Variants in FER1L6 observed in about 807,000 individuals in gnomAD.
FER1L6 encodes fer-1 like family member 6, also known as fer-1-like protein 6.
A neutral mutation model predicts 219.2 loss-of-function variants in FER1L6; 177 were observed. That is an observed-to-expected ratio of 0.81 (90% CI 0.71 to 0.91). The LOEUF is 0.91. Ranked by LOEUF, FER1L6 falls within the 40% of genes least tolerant of loss-of-function variation. The probability of loss-of-function intolerance (pLI) is 0.00; values close to 1 mark genes in which losing one functional copy is unlikely to be tolerated. For synonymous variants in FER1L6, 768 were observed against 824.3 expected (o/e 0.93, Z 1.17); for missense variants, 2,153 against 2,259.9 (o/e 0.95, Z 0.96).
chr8:124,026,754 G>A (rs1818724830), intron 18 of FER1L6, among the ~76,000 whole-genome samples: 1 of 151,182 alleles, frequency 6.6e-6, no homozygotes, highest in Non-Finnish European at 1.5e-5. Context: ...CTATTATTAA[G>A]CATGAGAAGC....
Position 123,953,064 on chromosome 8 carries a change from A to G in FER1L6, c.-7-2928A>G, listed in dbSNP as rs28698556. On this transcript the variant is annotated intron_variant, in intron 1 of 40. Transcript: ENST00000522917. ...ACCCTGTGTCACGGGTTCATTTTCT[A>G]CCTCCCAATCTGCCAGTGGCACCAT... Among the ~76,000 whole-genome samples the G allele has an allele frequency of 2.7e-3, 410 of 152,088 alleles. 2 individuals carry two copies. The highest frequency in any genetic ancestry group is 9.1e-3 in the African/African-American group (378 of 41,470).
intron 36 of FER1L6, 88 bp from the exon 37 acceptor site, chr8:124,097,697 T>G (rs549673673): frequency 3.9e-6 from 3 of 774,470 alleles, no homozygotes; most frequent in African/African-American, 1.7e-5. Context: ...AGGAAACTTA[T>G]AGACCAAAGG....
intron 31 of FER1L6, among the ~76,000 whole-genome samples, chr8:124,072,492 AT>A (rs1374937059): frequency 1.3e-5 from 2 of 152,192 alleles, no homozygotes; most frequent in African/African-American, 4.8e-5. Context: ...GTATTATTTT[AT>A]TATAATGCTC....
intron 38 of FER1L6, among the ~76,000 whole-genome samples, 198 bp downstream of exon 38, chr8:124,101,536 T>A (rs7825506): frequency 0.81 from 122,586 of 152,124 alleles, 49,676 homozygotes; most frequent in Non-Finnish European, 0.86. Context: ...GACCACTACA[T>A]ATTCTAAAAG....
At position 124,118,919 on chromosome 8, in the gene FER1L6, G is replaced by C. The variant is rs762512675; in HGVS notation, c.5365G>C (p.Glu1789Gln). ...EKNPVGKARKEPEPLAKPNRP... is the reference protein window; with the variant it reads ...EKNPVGKARKQPEPLAKPNRP... ...AAATCCTGTTGGAAAAGCCCGAAAG[G>C]AGCCAGAGCCCCTGGCCAAGCCCAA... Residue 1789 changes from glutamate (E) to glutamine (Q), a missense_variant, in exon 40 of 41, where the codon GAG becomes CAG. By Grantham distance (29) the Glu-to-Gln change is conservative. Transcript: ENST00000522917. 1 of 1,613,768 alleles carries C rather than the reference G, an allele frequency of 6.2e-7. No homozygotes were observed. The highest frequency in any genetic ancestry group is 8.5e-7 in the Non-Finnish European group (1 of 1,179,874).
intron 32 of FER1L6, among the ~76,000 whole-genome samples, chr8:124,080,980 G>A (rs975762307): frequency 2.6e-5 from 4 of 152,160 alleles, no homozygotes; most frequent in African/African-American, 7.2e-5. Flanking sequence ...GCTGTCCAGC[G>A]TCTCTGCTTT....
chr8:123,980,396 G>A (rs1303366743), intron 10 of FER1L6, 69 bp from the exon 11 acceptor site: 1 of 1,255,222 alleles, frequency 8.0e-7, no homozygotes, highest in African/African-American at 1.5e-5. Flanking sequence ...TCTACATTTT[G>A]AAATGAATGT....
intron 21 of FER1L6, among the ~76,000 whole-genome samples, chr8:124,047,958 T>C (rs1162684491): frequency 6.6e-6 from 1 of 152,142 alleles, no homozygotes; most frequent in Non-Finnish European, 1.5e-5. Flanking sequence ...GAAAATTGGT[T>C]GCTTGGGCTA....
chr8:124,037,349 A>G (rs961125890), intron 19 of FER1L6, among the ~76,000 whole-genome samples: 2 of 152,230 alleles, frequency 1.3e-5, no homozygotes, highest in African/African-American at 4.8e-5. Context: ...CCATCTCTAG[A>G]AACACTCCTG....
In FER1L6 at chr8:124,039,997, G is replaced by A. The variant is rs1819409408; in HGVS notation, c.2580G>A (p.Gln860=). ...AAGTCACGTTCCTTTCTCACTGCCA[G>A]ACAACAAAGGTAACCAGGGTAACCA... The part of the protein sequence containing the change: ...FAKVTFLSHC[Q]TTKIISQTLS... The change falls in exon 20 of 41, where the codon CAG becomes CAA. Residue 860 remains glutamine (Q), a synonymous_variant. Transcript: ENST00000522917. The A allele has an allele frequency of 1.9e-6, 3 of 1,613,924 alleles. No individual in the cohort carries two copies. Among genetic ancestry groups the A allele is most frequent in the East Asian group, 4.5e-5 (2 of 44,886 alleles).
intron 26 of FER1L6, among the ~76,000 whole-genome samples, 179 bp from the exon 27 acceptor site, chr8:124,066,249 T>C (rs950433099): frequency 6.6e-6 from 1 of 152,214 alleles, no homozygotes; most frequent in Non-Finnish European, 1.5e-5. Context: ...AATGAATGAA[T>C]AGATTCTTGA....
chr8:123,951,689 G>A (rs1814776421), intron 1 of FER1L6, among the ~76,000 whole-genome samples: 1 of 152,158 alleles, frequency 6.6e-6, no homozygotes, highest in Non-Finnish European at 1.5e-5. Flanking sequence ...TTCTTTGGAT[G>A]GAAAGAATTC....
chr8:123,866,327 A>G (rs1045429032), intron 1 of FER1L6, among the ~76,000 whole-genome samples: 8 of 151,572 alleles, frequency 5.3e-5, no homozygotes, highest in Admixed American at 2.6e-4. Flanking sequence ...TTATATATAT[A>G]TACACTACGT....
intron 2 of FER1L6, among the ~76,000 whole-genome samples, chr8:123,959,280 C>T (rs985090286): frequency 1.3e-5 from 2 of 152,192 alleles, no homozygotes; most frequent in Non-Finnish European, 2.9e-5. Context: ...TTTGCTAATT[C>T]CTGCATCCTC....
At chr8:124,043,132 T>C (rs1819577954) in intron 20 of FER1L6, among the ~76,000 whole-genome samples, 1 of 152,184 alleles carries the variant, frequency 6.6e-6, no homozygotes, top group African/African-American at 2.4e-5. Flanking sequence ...TCAGTAAATG[T>C]TTACTCATTT....
At chr8:124,103,772 C>T (rs1008756940) in intron 39 of FER1L6, among the ~76,000 whole-genome samples, 4 of 152,196 alleles carry the variant, frequency 2.6e-5, no homozygotes, top group African/African-American at 9.7e-5. Flanking sequence ...GAATTTTTGA[C>T]CTTTCACAAA....
intron 1 of FER1L6, among the ~76,000 whole-genome samples, chr8:123,854,473 A>C (rs1816591908): frequency 6.6e-6 from 1 of 152,126 alleles, no homozygotes; most frequent in African/African-American, 2.4e-5. Context: ...CTCAAATGTG[A>C]AACTTAGATT....
intron 1 of FER1L6, among the ~76,000 whole-genome samples, chr8:123,893,669 A>T (rs894567000): frequency 1.3e-5 from 2 of 152,180 alleles, no homozygotes; most frequent in African/African-American, 4.8e-5. Flanking sequence ...CAGTTAAGGA[A>T]TTGATTATTT....
intron 7 of FER1L6, among the ~76,000 whole-genome samples, chr8:123,974,283 G>T (rs1226099397): frequency 2.0e-5 from 3 of 152,162 alleles, no homozygotes; most frequent in Admixed American, 6.5e-5. Flanking sequence ...GAAGGCTTGT[G>T]CTCCATATAC....
Sources: gnomAD v4.1 joint callset for allele counts (sites outside exome capture counted in the v4.1 genomes callset) on GRCh38, gnomAD v4.1.1 for gene constraint, MANE v1.5 for transcripts, NCBI Gene and HGNC (gene_info 2026-07-23, HGNC 2026-07-21) for gene names.